LDLRAD4: variants seen among roughly 807,000 people sequenced by gnomAD.
The protein encoded by LDLRAD4 is low density lipoprotein receptor class A domain containing 4, also known as low-density lipoprotein receptor class A domain-containing protein 4.
Under a neutral mutation model 17.0 loss-of-function variants are expected in LDLRAD4, and 5 were observed. The observed-to-expected ratio is 0.29, with a 90% CI of 0.15 to 0.62. The LOEUF is 0.62. LDLRAD4 is among the 20% of genes least tolerant of loss of function. The probability of loss-of-function intolerance (pLI) is 0.84; values close to 1 mark genes in which losing one functional copy is unlikely to be tolerated. For missense variants in LDLRAD4, 340 were observed against 424.7 expected, an observed-to-expected ratio of 0.80 and a Z score of 1.75; for synonymous variants, 168 against 171.8, an observed-to-expected ratio of 0.98 and a Z score of 0.17.
At chr18:13,391,352 G>A (rs922830304) in intron 2 of LDLRAD4, among the ~76,000 whole-genome samples, 2 of 152,142 alleles carry the variant, frequency 1.3e-5, no homozygotes, top group East Asian at 1.9e-4. Flanking sequence ...TGTTTGGAGC[G>A]TGTGAAAGTA....
chr18:13,467,579 A>G (rs971362042), intron 3 of LDLRAD4, among the ~76,000 whole-genome samples: 2 of 152,248 alleles, frequency 1.3e-5, no homozygotes, highest in African/African-American at 4.8e-5. Flanking sequence ...ACCTAAAGCC[A>G]TCTACAGATG....
chr18:13,466,570 A>G (rs763180908), intron 3 of LDLRAD4, among the ~76,000 whole-genome samples: 16 of 152,168 alleles, frequency 1.1e-4, no homozygotes, highest in Non-Finnish European at 1.9e-4. Context: ...CAGAAAAGGC[A>G]TTTGACAAAC....
At chr18:13,548,638 C>T (rs150295639) in intron 3 of LDLRAD4, among the ~76,000 whole-genome samples, 14 of 152,334 alleles carry the variant, frequency 9.2e-5, no homozygotes, top group East Asian at 1.9e-4. Context: ...TGCTGGGGCA[C>T]GGGGTGGTTT....
intron 2 of LDLRAD4, among the ~76,000 whole-genome samples, chr18:13,426,337 T>A (rs1346864311): frequency 6.6e-6 from 1 of 152,252 alleles, no homozygotes; most frequent in Non-Finnish European, 1.5e-5. Context: ...AAAGAAGTTC[T>A]TTATGAAAGG....
intron 1 of LDLRAD4, among the ~76,000 whole-genome samples, chr18:13,294,886 A>T (rs1341589670): frequency 6.6e-6 from 1 of 151,892 alleles, no homozygotes; most frequent in Non-Finnish European, 1.5e-5. Context: ...GAGAGACTGT[A>T]TTCTTGCTGG....
At position 13,536,617 on chromosome 18, in the gene LDLRAD4, T is replaced by G. The variant is rs184881945; in HGVS notation, c.182-84500T>G. On this transcript the variant is annotated intron_variant, in intron 3 of 5. Coordinates refer to ENST00000359446, the Ensembl canonical transcript of LDLRAD4. Reference sequence around the variant, plus strand: ...CTGTATGCCTTTAATGTCTTTTTTTTTTTACTTTACTGCACTGTTCAGAAC... The same window carrying G: ...CTGTATGCCTTTAATGTCTTTTTTTGTTTACTTTACTGCACTGTTCAGAAC... Among the ~76,000 whole-genome samples the G allele has an allele frequency of 3.4e-4, 52 of 152,244 alleles. No homozygotes were observed. The East Asian group carries it at 4.8e-3, about 14-fold the overall frequency.
At chr18:13,389,982 C>A (rs540158998) in intron 2 of LDLRAD4, among the ~76,000 whole-genome samples, 2 of 151,292 alleles carry the variant, frequency 1.3e-5, no homozygotes, top group African/African-American at 4.9e-5. Context: ...CCCCAGCTCA[C>A]GTTTTTTTTT....
At chr18:13,576,303 T>G (rs1019807226) in intron 3 of LDLRAD4, among the ~76,000 whole-genome samples, 74 of 151,660 alleles carry the variant, frequency 4.9e-4, no homozygotes, top group African/African-American at 1.7e-3. Context: ...GCGCCTGTAG[T>G]CCCAGCTACT....
At chr18:13,379,453 T>C (rs2085175327) in intron 1 of LDLRAD4, among the ~76,000 whole-genome samples, 2 of 152,180 alleles carry the variant, frequency 1.3e-5, no homozygotes, top group African/African-American at 4.8e-5. Context: ...GTCCCCATGG[T>C]CAATGCCAAG....
At chr18:13,553,241 T>C (rs1372368214) in intron 3 of LDLRAD4, among the ~76,000 whole-genome samples, 1 of 152,218 alleles carries the variant, frequency 6.6e-6, no homozygotes, top group Non-Finnish European at 1.5e-5. Context: ...GTCTCCTGTT[T>C]GGTACATGTT....
chr18:13,577,075 T>C (rs1218103229), intron 3 of LDLRAD4, among the ~76,000 whole-genome samples: 1 of 78,254 alleles, frequency 1.3e-5, no homozygotes, highest in Non-Finnish European at 2.9e-5. Context: ...ATTTGCGGTT[T>C]AGCATTTTTT....
intron 1 of LDLRAD4, among the ~76,000 whole-genome samples, chr18:13,331,188 T>C (rs1598090): frequency 0.99 from 151,067 of 152,354 alleles, 74,910 homozygotes; most frequent in East Asian, 1. Context: ...AAGTTGAGGG[T>C]AGTCTTGGGG....
chr18:13,284,815 G>A lies in LDLRAD4; in HGVS notation c.-383+6627G>A, dbSNP rs149884695. Among the ~76,000 whole-genome samples the A allele has an allele frequency of 1.2e-3, 180 of 152,332 alleles. 3 individuals carry two copies. In the East Asian group the frequency reaches 0.033, roughly 28 times the overall value. ...TGAGCTGTGCTCGAGTGTGAAACAC[G>A]CTTTGCCAAGGTCAGGTTCCTGAGA... is the stretch of plus-strand genomic sequence containing the variant. On this transcript the variant is annotated intron_variant, in intron 1 of 5. Transcript: ENST00000359446.
At chr18:13,266,614 C>G (rs770131901) in intron 1 of LDLRAD4, among the ~76,000 whole-genome samples, 3 of 152,252 alleles carry the variant, frequency 2.0e-5, no homozygotes, top group East Asian at 1.9e-4. Context: ...GCATAGTGAC[C>G]GTCTTAGGCA....
At chr18:13,598,994 A>G (rs1417312372) in intron 3 of LDLRAD4, among the ~76,000 whole-genome samples, 1 of 152,230 alleles carries the variant, frequency 6.6e-6, no homozygotes, top group African/African-American at 2.4e-5. Context: ...TTAGCCTGCC[A>G]TTCCTCGGAT....
At chr18:13,234,500 G>A (rs1017924189) in intron 1 of LDLRAD4, among the ~76,000 whole-genome samples, 6 of 150,028 alleles carry the variant, frequency 4.0e-5, no homozygotes, top group Non-Finnish European at 8.9e-5. Context: ...AGGCACCTGT[G>A]AGCAGGCCAG....
At position 13,279,725 on chromosome 18, in the gene LDLRAD4, A is replaced by T. The variant is rs539488607; in HGVS notation, c.-383+1537A>T. ...GGTATATGTGGATTTTAAATTAAAT[A>T]CAGAGCTACGTTGCTTCTCCTGATA... On this transcript the variant is annotated intron_variant, in intron 1 of 5. Transcript: ENST00000359446. 5 of 152,374 alleles carry T rather than the reference A, an allele frequency of 3.3e-5. No individual in the cohort carries two copies. In the South Asian group the frequency reaches 8.3e-4, roughly 25 times the overall value. 9.4% of individuals were successfully genotyped at this position (152,374 alleles called of 1,614,324 possible).
chr18:13,650,701 AGTT>A (rs1204956063), exon 6 of LDLRAD4: 3 of 215,462 alleles, frequency 1.4e-5, no homozygotes, highest in Non-Finnish European at 2.7e-5. Context: ...TAGAACAAAA[AGTT>A]GTTAATACTG....
At chr18:13,560,630 C>T (rs1341768159) in intron 3 of LDLRAD4, among the ~76,000 whole-genome samples, 2 of 152,210 alleles carry the variant, frequency 1.3e-5, no homozygotes, top group African/African-American at 4.8e-5. Context: ...TGATTTTTGA[C>T]TTTAATCTTT....
Sources: gnomAD v4.1 joint callset for allele counts (sites outside exome capture counted in the v4.1 genomes callset) on GRCh38, gnomAD v4.1.1 for gene constraint, MANE v1.5 for transcripts, NCBI Gene and HGNC (gene_info 2026-07-23, HGNC 2026-07-21) for gene names.